SLC30A5: variants seen among roughly 807,000 people sequenced by gnomAD.
SLC30A5 encodes solute carrier family 30 member 5.
A neutral mutation model predicts 79.6 loss-of-function variants in SLC30A5; 33 were observed. That is an observed-to-expected ratio of 0.41 (90% CI 0.31 to 0.55). SLC30A5 has a LOEUF of 0.55. Among genes scored for constraint, SLC30A5 ranks in the 20% least tolerant of loss-of-function variants. The probability of loss-of-function intolerance (pLI) is 0.20; values close to 1 mark genes in which losing one functional copy is unlikely to be tolerated. For missense variants in SLC30A5, 788 were observed against 928.1 expected (o/e 0.85, Z 1.96); for synonymous variants, 299 against 319.7 (o/e 0.94, Z 0.69).
chr5:69,111,680 G>A (rs767388724), intron 5 of SLC30A5, among the ~76,000 whole-genome samples: 4 of 152,156 alleles, frequency 2.6e-5, no homozygotes, highest in African/African-American at 4.8e-5. Flanking sequence ...ATTAAGTTAT[G>A]TTCTCTGTAT....
intron 5 of SLC30A5, among the ~76,000 whole-genome samples, chr5:69,109,142 G>T (rs1746163799): frequency 6.6e-6 from 1 of 151,976 alleles, no homozygotes; most frequent in African/African-American, 2.4e-5. Flanking sequence ...TCACAATAGG[G>T]TGACTATAAT....
Position 69,121,806 on chromosome 5 carries a change from G to A in SLC30A5, c.1682G>A (p.Ser561Asn), listed in dbSNP as rs535139445. 6.4e-5 allele frequency: 103 copies of A among 1,612,918 alleles called. No homozygotes were observed. In the South Asian group the frequency reaches 1.1e-3, roughly 17 times the overall value. Residue 561 changes from serine to asparagine, a missense_variant, in exon 13 of 16, where the codon AGC (serine) becomes AAC (asparagine). By Grantham distance (46) the Ser-to-Asn change is conservative. This residue lies in a region of SLC30A5 where 626 missense variants were observed against 755.5 expected (regional missense o/e 0.83). Coordinates refer to ENST00000396591, the MANE Select transcript of SLC30A5 (RefSeq NM_022902.5). ...GGAAGCTGTCACTCATCTGATCACA[G>A]CCATTCACACCATATGCATGGACAC... is the stretch of plus-strand genomic sequence containing the variant. ...SQGSCHSSDH[S>N]HSHHMHGHSD...
At chr5:69,115,878 G>A in intron 8 of SLC30A5, 48 bp from the exon 9 acceptor site, 1 of 1,437,722 alleles carries the variant, frequency 7.0e-7, no homozygotes, top group African/African-American at 1.4e-5. Flanking sequence ...TGTAAGATGT[G>A]AACTTTATAC....
chr5:69,115,149 A>T, intron 7 of SLC30A5, 88 bp from the exon 8 acceptor site: 2 of 233,736 alleles, frequency 8.6e-6, no homozygotes, highest in Non-Finnish European at 1.4e-5. Flanking sequence ...AAAAAAAAAA[A>T]AAAAAAAAAA....
chr5:69,124,069 C>T (rs1349953499), intron 14 of SLC30A5, among the ~76,000 whole-genome samples: 3 of 144,712 alleles, frequency 2.1e-5, no homozygotes, highest in South Asian at 2.2e-4. Flanking sequence ...GCCGAGACCA[C>T]GCCACTACAC....
intron 1 of SLC30A5, 34 bp downstream of exon 1, chr5:69,094,372 G>C: frequency 8.0e-7 from 1 of 1,243,962 alleles, no homozygotes; most frequent in Non-Finnish European, 1.0e-6. Context: ...GCGACCGGCC[G>C]GGTCGCTCAG....
chr5:69,111,447 G>A (rs1746230856), intron 5 of SLC30A5, among the ~76,000 whole-genome samples: 1 of 151,712 alleles, frequency 6.6e-6, no homozygotes, highest in Admixed American at 6.6e-5. Flanking sequence ...TGGAATTACA[G>A]GCACCTGCCA....
chr5:69,124,468 G>A (rs1007884179), intron 14 of SLC30A5, among the ~76,000 whole-genome samples: 10 of 152,084 alleles, frequency 6.6e-5, no homozygotes, highest in Non-Finnish European at 1.0e-4. Context: ...TCTTTACTTT[G>A]TGGGGAAAAA....
chr5:69,113,263 C>A, intron 6 of SLC30A5, 36 bp downstream of exon 6: 1 of 1,540,668 alleles, frequency 6.5e-7, no homozygotes. Flanking sequence ...TGTTTCAAGT[C>A]TTGAGGAAAA....
intron 14 of SLC30A5, among the ~76,000 whole-genome samples, chr5:69,126,343 G>A (rs1020749858): frequency 1.3e-5 from 2 of 151,962 alleles, no homozygotes; most frequent in Non-Finnish European, 2.9e-5. Context: ...ATAGAGCTGG[G>A]GTTTCTCAAT....
Position 69,107,378 on chromosome 5 carries a change from T to C in SLC30A5, c.360-971T>C, listed in dbSNP as rs574063541. ...AGCTATTTTACAGTTAACTTTTTTT[T>C]TGTTTTTGACACCACTATTTGAAGT... On this transcript the variant is annotated intron_variant, in intron 4 of 15. Transcript: ENST00000396591. Among the ~76,000 whole-genome samples the C allele has an allele frequency of 1.3e-3, 191 of 152,326 alleles. 1 individual carries two copies. The highest frequency in any genetic ancestry group is 3.4e-3 in the Middle Eastern group (1 of 294).
intron 4 of SLC30A5, 121 bp downstream of exon 4, chr5:69,104,837 C>A: frequency 1.0e-6 from 1 of 967,002 alleles, no homozygotes; most frequent in Non-Finnish European, 1.5e-6. Context: ...ACTTTTATAG[C>A]ATCAGAGAGA....
chr5:69,104,877 T>G, intron 4 of SLC30A5, 161 bp downstream of exon 4: 1 of 577,056 alleles, frequency 1.7e-6, no homozygotes, highest in African/African-American at 2.0e-5. Context: ...CCTGTTTAGT[T>G]TCTGGACTAG....
chr5:69,116,515 G>C lies in SLC30A5; in HGVS notation c.1194G>C (p.Ser398=). ...ATGCTTTTCAGCATAGCTCTCAATC[G>C]ATCCCTAGGTTTATTAAGGAATCAC... ...MGDAFQHSSQ[S]IPRFIKESLK... Residue 398 remains serine, a synonymous_variant, in exon 10 of 16, where the codon TCG becomes TCC. Coordinates refer to ENST00000396591, the MANE Select transcript of SLC30A5 (RefSeq NM_022902.5). The surrounding 1 kb of genome is among the most constrained non-coding windows in gnomAD (Gnocchi z 4.0). 6.2e-7 allele frequency: 1 copy of C among 1,611,938 alleles called. No individual in the cohort carries two copies. Among genetic ancestry groups the C allele is most frequent in the African/African-American group, 1.3e-5 (1 of 74,950 alleles).
chr5:69,130,554 T>C lies in SLC30A5; in HGVS notation c.*937T>C, dbSNP rs891870658. The C allele has an allele frequency of 6.6e-6, 1 of 152,180 alleles. No homozygotes were observed. Among genetic ancestry groups the C allele is most frequent in the Non-Finnish European group, 1.5e-5 (1 of 68,018 alleles). The allele number at this position is 152,180 out of a possible 1,614,324, so 9.4% of individuals were successfully genotyped here. A position where few individuals can be genotyped will look rare whatever the true frequency, so the allele number is the denominator to read the frequency against. On this transcript the variant is annotated 3_prime_UTR_variant, in exon 16 of 16. Coordinates refer to ENST00000396591, the MANE Select transcript of SLC30A5 (RefSeq NM_022902.5). The stretch of plus-strand genomic sequence containing the variant: ...TAACTTTTTTCTAATTTCTGGAACA[T>C]ATAGATATATAAGAAATATCAAAGA...
chr5:69,117,384 T>C lies in SLC30A5; in HGVS notation c.1427T>C (p.Ile476Thr), dbSNP rs1746400282. 2 of 1,614,038 alleles carry C rather than the reference T, an allele frequency of 1.2e-6. No homozygotes were observed. Among genetic ancestry groups the C allele is most frequent in the Non-Finnish European group, 1.7e-6 (2 of 1,179,968 alleles). ...ATGAGTAGGTGGAAAGCCACTCGGA[T>C]TTTCTCCTATGGGTAGGTACATTGA... ...ALMSRWKATR[I>T]FSYGYGRIEI... The change falls in exon 11 of 16, where the codon ATT (isoleucine) becomes ACT (threonine). Residue 476 changes from isoleucine (I) to threonine (T), a missense_variant. Ile to Thr is a moderately conservative substitution (Grantham distance 89, BLOSUM62 -1). Coordinates refer to ENST00000396591, the MANE Select transcript of SLC30A5 (RefSeq NM_022902.5).
At chr5:69,115,547 T>A in intron 8 of SLC30A5, 140 bp downstream of exon 8, 1 of 706,756 alleles carries the variant, frequency 1.4e-6, no homozygotes, top group Non-Finnish European at 2.2e-6. Context: ...TTTTTCTTTG[T>A]AGTTTTTTAA....
intron 2 of SLC30A5, 182 bp from the exon 3 acceptor site, chr5:69,102,880 T>C (rs1162032172): frequency 2.8e-6 from 1 of 352,204 alleles, no homozygotes; most frequent in Non-Finnish European, 5.2e-6. Context: ...AAAAAAAAGT[T>C]ATCAAAATAT....
chr5:69,094,473 C>A, intron 1 of SLC30A5, 135 bp downstream of exon 1: 1 of 974,776 alleles, frequency 1.0e-6, no homozygotes, highest in Non-Finnish European at 1.3e-6. Flanking sequence ...TGCCTCCCTG[C>A]GCGCAGGCTG....
Sources: allele counts gnomAD v4.1 joint callset (sites outside exome capture counted in the v4.1 genomes callset), GRCh38; gene constraint gnomAD v4.1.1; regional missense constraint gnomAD v4.1.1; non-coding constraint Gnocchi (gnomAD v3.1); transcripts MANE v1.5; gene names NCBI Gene and HGNC (gene_info 2026-07-23, HGNC 2026-07-21).